SLC26A2: variants seen among roughly 807,000 people sequenced by gnomAD.
SLC26A2 encodes the protein sulfate transporter.
SLC26A2 carries 36 observed loss-of-function variants against 41.1 expected under a neutral mutation model. The ratio of observed to expected loss-of-function variants is 0.88; its 90% CI spans 0.67 to 1.16. SLC26A2 has a LOEUF of 1.16. Ranked by LOEUF, SLC26A2 falls within the 50% of genes most tolerant of loss-of-function variation. The probability of loss-of-function intolerance (pLI) is 0.00; values close to 1 mark genes in which losing one functional copy is unlikely to be tolerated. For synonymous variants in SLC26A2, 291 were observed against 311.6 expected (o/e 0.93, Z 0.70); for missense variants, 796 against 869.6 (o/e 0.92, Z 1.07).
intron 2 of SLC26A2, 26 bp from the exon 3 acceptor site, chr5:149,980,267 T>C (rs1755067652): frequency 2.5e-6 from 4 of 1,583,402 alleles, no homozygotes; most frequent in Non-Finnish European, 3.5e-6. Context: ...CATTTATATT[T>C]AACACTTCTA....
At chr5:149,972,855 A>G (rs1754927677) in intron 1 of SLC26A2, among the ~76,000 whole-genome samples, 1 of 151,940 alleles carries the variant, frequency 6.6e-6, no homozygotes, top group South Asian at 2.1e-4. Flanking sequence ...TTTATGTTTT[A>G]TCTTCCTTTT....
At position 149,974,681 on chromosome 5, in the gene SLC26A2, C is replaced by T. The variant is rs865951066; in HGVS notation, c.-25-2947C>T. Among the ~76,000 whole-genome samples, 8 of 148,052 alleles carry T rather than the reference C, an allele frequency of 5.4e-5. No individual in the cohort carries two copies. The South Asian group carries it at 6.4e-4, about 12-fold the overall frequency. ...CTTGTGATCTGCCTGCCTTGGCCTC[C>T]GGAAGTGTTGGAATTACAGGTGTGA... On this transcript the variant is annotated intron_variant, in intron 1 of 2. Transcript: ENST00000286298.
chr5:149,964,458 C>T (rs1754768264), intron 1 of SLC26A2, among the ~76,000 whole-genome samples: 1 of 152,024 alleles, frequency 6.6e-6, no homozygotes, highest in South Asian at 2.1e-4. Context: ...GCCTGGGTAA[C>T]AGAGTGAGAC....
At chr5:149,966,996 C>T (rs1754816206) in intron 1 of SLC26A2, among the ~76,000 whole-genome samples, 1 of 152,054 alleles carries the variant, frequency 6.6e-6, no homozygotes, top group Non-Finnish European at 1.5e-5. Context: ...ATATAAACTG[C>T]AATTGAAAAC....
At position 149,977,632 on chromosome 5, in the gene SLC26A2, C is replaced by T. The variant is rs1376978396; in HGVS notation, c.-21C>T. The T allele has an allele frequency of 2.0e-6, 3 of 1,534,246 alleles. No individual in the cohort carries two copies. The highest frequency in any genetic ancestry group is 2.2e-5 in the East Asian group (1 of 44,506). On this transcript the variant is annotated 5_prime_UTR_variant, in exon 2 of 3. Coordinates refer to ENST00000286298, the MANE Select transcript of SLC26A2 (RefSeq NM_000112.4). ...CTGGTATTTTCTCTGGTGTAGGAAG[C>T]TGAACCATCTATCTCCAGAAATGTC...
chr5:149,974,217 CAATAAG>C (rs1754952422), intron 1 of SLC26A2, among the ~76,000 whole-genome samples: 1 of 152,120 alleles, frequency 6.6e-6, no homozygotes, highest in Non-Finnish European at 1.5e-5. Context: ...CCATGATTTC[CAATAAG>C]AAGTCTGCTA....
chr5:149,963,106 T>G (rs1754741080), intron 1 of SLC26A2, among the ~76,000 whole-genome samples: 1 of 151,308 alleles, frequency 6.6e-6, no homozygotes, highest in South Asian at 2.1e-4. Context: ...ATTTATTTAT[T>G]TATTTATTTA....
intron 1 of SLC26A2, among the ~76,000 whole-genome samples, chr5:149,977,283 C>T (rs1036307551): frequency 1.5e-4 from 23 of 152,112 alleles, no homozygotes; most frequent in African/African-American, 5.3e-4. Flanking sequence ...CCGCTGGTAG[C>T]ATATGTATGG....
At position 149,980,894 on chromosome 5, in the gene SLC26A2, T is replaced by G. The variant is rs367808573; in HGVS notation, c.1301T>G (p.Phe434Cys). Residue 434 changes from phenylalanine to cysteine, a missense_variant, in exon 3 of 3, where the codon TTT (phenylalanine) becomes TGT (cysteine). By Grantham distance (205) the Phe-to-Cys change is radical. Coordinates refer to ENST00000286298, the MANE Select transcript of SLC26A2 (RefSeq NM_000112.4). The stretch of plus-strand genomic sequence containing the variant: ...ATCATCCCTTCCTTCTTCCACTGTT[T>G]TACTACTAGTGCAGCTCTTGCAAAG... ...CNIIPSFFHC[F>C]TTSAALAKTL... 1 of 1,614,062 alleles carries G rather than the reference T, an allele frequency of 6.2e-7. No homozygotes were observed. Among genetic ancestry groups the G allele is most frequent in the Non-Finnish European group, 8.5e-7 (1 of 1,180,006 alleles).
At position 149,980,415 on chromosome 5, in the gene SLC26A2, G is replaced by T; in HGVS notation, c.822G>T (p.Gly274=). The change falls in exon 3 of 3, where the codon GGG becomes GGT. Residue 274 remains glycine (G), a synonymous_variant. Coordinates refer to ENST00000286298, the MANE Select transcript of SLC26A2 (RefSeq NM_000112.4). The part of the protein sequence containing the change: ...ILTSQAKYLL[G]LNLPRTNGVG... ...CATCTCAGGCCAAGTATCTTCTTGG[G>T]CTCAACCTTCCTCGGACTAATGGTG... 1.2e-6 allele frequency: 2 copies of T among 1,613,970 alleles called. No individual in the cohort carries two copies. The highest frequency in any genetic ancestry group is 1.7e-6 in the Non-Finnish European group (2 of 1,179,974).
At position 149,977,816 on chromosome 5, in the gene SLC26A2, T is replaced by TTC. The variant is rs781043222; in HGVS notation, c.165_166insCT (p.Ile56LeufsTer34). 2.5e-6 allele frequency: 4 copies of TTC among 1,614,054 alleles called. No homozygotes were observed. The African/African-American group carries it at 5.3e-5, about 22-fold the overall frequency. ...CAATGCAGACCTTATCATAGGATCC[T>TTC]TATTGAGCGTCAAGAGAAATCAGAT... On this transcript the variant is annotated frameshift_variant, in exon 2 of 3. Coordinates refer to ENST00000286298, the MANE Select transcript of SLC26A2 (RefSeq NM_000112.4). LOFTEE classifies it high-confidence loss of function.
chr5:149,966,826 A>G (rs747783044), intron 1 of SLC26A2, among the ~76,000 whole-genome samples: 4 of 152,222 alleles, frequency 2.6e-5, no homozygotes, highest in Non-Finnish European at 5.9e-5. Context: ...TTTTAAAACT[A>G]AATATAACTG....
At chr5:149,964,272 A>G (rs1269009978) in intron 1 of SLC26A2, among the ~76,000 whole-genome samples, 2 of 152,114 alleles carry the variant, frequency 1.3e-5, no homozygotes, top group Non-Finnish European at 2.9e-5. Flanking sequence ...CAGGCAGATC[A>G]CTTGAGCTCA....
At chr5:149,967,125 T>C (rs1018599901) in intron 1 of SLC26A2, among the ~76,000 whole-genome samples, 8 of 152,316 alleles carry the variant, frequency 5.3e-5, no homozygotes, top group Middle Eastern at 6.8e-3. Context: ...ATCATGCCAC[T>C]GCACTCCAGT....
chr5:149,963,082 A>ATATTTATTTATT lies in SLC26A2; in HGVS notation c.-26+2133_-26+2144dup, dbSNP rs141212500. Among the ~76,000 whole-genome samples the ATATTTATTTATT allele has an allele frequency of 9.4e-3, 1,301 of 138,104 alleles. 10 individuals are homozygous for ATATTTATTTATT. Among genetic ancestry groups the ATATTTATTTATT allele is most frequent in the Non-Finnish European group, 0.014 (931 of 64,428 alleles). 90.6% of individuals were successfully genotyped at this position (138,104 alleles called of 152,430 possible). On this transcript the variant is annotated intron_variant, in intron 1 of 2. Transcript: ENST00000286298. ...AAATGGCAGCAATGGCAGTGGTGCT[A>ATATTTATTTATT]TATTTATTTATTTATTTATTTATTT...
chr5:149,983,818 C>A lies in SLC26A2; in HGVS notation c.*2005C>A, dbSNP rs571806880. On this transcript the variant is annotated 3_prime_UTR_variant, in exon 3 of 3. Coordinates refer to ENST00000286298, the MANE Select transcript of SLC26A2 (RefSeq NM_000112.4). Reference sequence around the variant, plus strand: ...GTCTCAAACTCCAGGCTCAAGCAATCCTTCAGCCTCAGCCTCCCAGAGTGT... The same window carrying A: ...GTCTCAAACTCCAGGCTCAAGCAATACTTCAGCCTCAGCCTCCCAGAGTGT... The A allele has an allele frequency of 2.0e-5, 3 of 152,420 alleles. No homozygotes were observed. The East Asian group carries it at 5.8e-4, about 29-fold the overall frequency. 9.4% of individuals were successfully genotyped at this position (152,420 alleles called of 1,614,324 possible).
intron 1 of SLC26A2, among the ~76,000 whole-genome samples, chr5:149,967,534 T>TTGTAAA (rs1486250392): frequency 3.3e-5 from 5 of 152,244 alleles, no homozygotes; most frequent in Non-Finnish European, 7.3e-5. Flanking sequence ...AGTTTGCATT[T>TTGTAAA]TGTAAAGTTT....
chr5:149,974,229 T>C (rs1754952807), intron 1 of SLC26A2, among the ~76,000 whole-genome samples: 1 of 152,206 alleles, frequency 6.6e-6, no homozygotes, highest in African/African-American at 2.4e-5. Context: ...ATAAGAAGTC[T>C]GCTATAATTC....
intron 1 of SLC26A2, among the ~76,000 whole-genome samples, chr5:149,975,120 G>A (rs931683556): frequency 7.9e-5 from 12 of 152,080 alleles, no homozygotes; most frequent in Admixed American, 2.6e-4. Context: ...TGGATGTTAT[G>A]TTACATTGTT....
Sources: gnomAD v4.1 joint callset for allele counts (sites outside exome capture counted in the v4.1 genomes callset) on GRCh38, gnomAD v4.1.1 for gene constraint, MANE v1.5 for transcripts, NCBI Gene and HGNC (gene_info 2026-07-23, HGNC 2026-07-21) for gene names.